The following FBXO15 variants were observed in gnomAD, a reference collection of about 807,000 sequenced individuals.
The protein encoded by FBXO15 is F-box only protein 15.
A neutral mutation model predicts 49.5 loss-of-function variants in FBXO15; 30 were observed. The ratio of observed to expected loss-of-function variants is 0.61; its 90% CI spans 0.45 to 0.82. The LOEUF is 0.82. FBXO15 is among the 40% of genes least tolerant of loss of function. The pLI, the probability that FBXO15 is intolerant of heterozygous loss-of-function variation, is 0.00. For synonymous variants in FBXO15, 250 were observed against 232.7 expected (o/e 1.07, Z -0.68); for missense variants, 591 against 631.5 (o/e 0.94, Z 0.69).
chr18:74,126,536 A>G (rs4491628), intron 5 of FBXO15, among the ~76,000 whole-genome samples: 40,547 of 152,214 alleles, frequency 0.27, 8,014 homozygotes, highest in African/African-American at 0.55. Flanking sequence ...GTCTCAGGAG[A>G]TGGCTGGAAA....
In FBXO15 at chr18:74,124,548, A is replaced by G; in HGVS notation, c.936T>C (p.Val312=). 1 of 1,614,108 alleles carries G rather than the reference A, an allele frequency of 6.2e-7. No individual in the cohort carries two copies. The highest frequency in any genetic ancestry group is 8.5e-7 in the Non-Finnish European group (1 of 1,180,022). ...VWKKEEELAF[V]MANLHFHHLV... ...GGTGATGAAAATGAAGATTTGCCAT[A>G]ACAAAAGCCAGTTCTTCCTCCTTCT... The change falls in exon 7 of 10, where the codon GTT becomes GTC. Residue 312 remains valine (V), a synonymous_variant. Transcript: ENST00000419743.
chr18:74,125,885 GATTTTAC>G, intron 6 of FBXO15, 83 bp downstream of exon 6: 3 of 1,519,510 alleles, frequency 2.0e-6, no homozygotes, highest in Non-Finnish European at 1.8e-6. Flanking sequence ...AAGCTTAAAG[GATTTTAC>G]ATTTGAAGTC....
At chr18:74,119,830 C>T (rs1357343739) in intron 8 of FBXO15, among the ~76,000 whole-genome samples, 2 of 152,094 alleles carry the variant, frequency 1.3e-5, no homozygotes, top group African/African-American at 4.8e-5. Context: ...ACACACAGGG[C>T]TCTGTAACGG....
At chr18:74,123,181 G>C (rs777059831) in intron 8 of FBXO15, 187 bp downstream of exon 8, 3 of 573,682 alleles carry the variant, frequency 5.2e-6, no homozygotes, top group African/African-American at 1.9e-5. Flanking sequence ...GACAGAGCCA[G>C]TTCTGAAGAG....
chr18:74,125,084 T>C (rs929164632), intron 6 of FBXO15, among the ~76,000 whole-genome samples: 11 of 152,142 alleles, frequency 7.2e-5, no homozygotes, highest in African/African-American at 2.7e-4. Flanking sequence ...CTGACCTCCA[T>C]TTCTCCCCAG....
At chr18:74,108,809 A>AAAATTT (rs1383249200) in intron 8 of FBXO15, among the ~76,000 whole-genome samples, 1 of 152,208 alleles carries the variant, frequency 6.6e-6, no homozygotes, top group African/African-American at 2.4e-5. Flanking sequence ...AAGAAACCAG[A>AAAATTT]GGAAAAGAAC....
chr18:74,147,507 G>A (rs959623508), intron 1 of FBXO15, 163 bp downstream of exon 1: 1 of 1,252,028 alleles, frequency 8.0e-7, no homozygotes, highest in Non-Finnish European at 1.0e-6. Flanking sequence ...ACGTTGCAGG[G>A]TAGAAAGGAT....
At chr18:74,134,666 C>T (rs972071083) in intron 3 of FBXO15, among the ~76,000 whole-genome samples, 2 of 152,166 alleles carry the variant, frequency 1.3e-5, no homozygotes, top group Non-Finnish European at 2.9e-5. Flanking sequence ...CTGCGCCTGG[C>T]TGGAGAATTT....
intron 8 of FBXO15, among the ~76,000 whole-genome samples, chr18:74,101,591 C>A (rs1216516865): frequency 6.6e-6 from 1 of 152,026 alleles, no homozygotes; most frequent in African/African-American, 2.4e-5. Context: ...CACCATAATT[C>A]TTCACAAAAC....
intron 8 of FBXO15, among the ~76,000 whole-genome samples, chr18:74,087,470 T>C (rs1189769180): frequency 6.6e-6 from 1 of 152,220 alleles, no homozygotes; most frequent in South Asian, 2.1e-4. Context: ...AGCTTTCACT[T>C]ATAAGTAAGA....
intron 8 of FBXO15, among the ~76,000 whole-genome samples, chr18:74,085,749 C>T (rs1262110669): frequency 6.6e-6 from 1 of 152,184 alleles, no homozygotes; most frequent in Admixed American, 6.5e-5. Flanking sequence ...AACAACTGGA[C>T]ATCCACACTG....
At chr18:74,080,077 T>A (rs1357617530) in intron 9 of FBXO15, among the ~76,000 whole-genome samples, 1 of 152,212 alleles carries the variant, frequency 6.6e-6, no homozygotes, top group African/African-American at 2.4e-5. Context: ...TACATTTTTT[T>A]AAAAGTCATA....
rs1215524673 is a variant in FBXO15, at chr18:74,147,704, C to G, written c.82G>C (p.Ala28Pro). Residue 28 changes from alanine to proline, a missense_variant, in exon 1 of 10, where the codon GCG (alanine) becomes CCG (proline). Physicochemically the swap from Ala to Pro is conservative, Grantham distance 27. Coordinates refer to ENST00000419743, the MANE Select transcript of FBXO15 (RefSeq NM_001142958.2). ...AAGGCCCTGGCGCGCCCCCGGGCCGCGCCACCGCCCCTGCTGGGCCCGCGC... is the reference window on the plus strand; with the variant it reads ...AAGGCCCTGGCGCGCCCCCGGGCCGGGCCACCGCCCCTGCTGGGCCCGCGC... The part of the protein sequence containing the change: ...TLRGPSRGGG[A>P]ARGRARAFGC... The G allele has an allele frequency of 2.6e-6, 4 of 1,521,886 alleles. No individual in the cohort carries two copies. Among genetic ancestry groups the G allele is most frequent in the Non-Finnish European group, 3.5e-6 (4 of 1,137,652 alleles). 94.3% of individuals were successfully genotyped at this position (1,521,886 alleles called of 1,614,324 possible). A position where few individuals can be genotyped will look rare whatever the true frequency, so the allele number is the denominator to read the frequency against.
intron 8 of FBXO15, among the ~76,000 whole-genome samples, chr18:74,093,271 G>GT (rs936014055): frequency 7.3e-5 from 11 of 150,560 alleles, no homozygotes; most frequent in South Asian, 2.2e-4. Context: ...AATGGGGGGG[G>GT]GGTGGCTGCA....
chr18:74,093,677 T>C (rs1191076261), intron 8 of FBXO15, among the ~76,000 whole-genome samples: 2 of 152,262 alleles, frequency 1.3e-5, no homozygotes, highest in Non-Finnish European at 2.9e-5. Flanking sequence ...TGTAGTTCTC[T>C]TGCTATTTCC....
chr18:74,126,359 T>C (rs1190347249), intron 5 of FBXO15, among the ~76,000 whole-genome samples: 10 of 152,194 alleles, frequency 6.6e-5, no homozygotes, highest in African/African-American at 1.9e-4. Flanking sequence ...CGGGAGGAAG[T>C]TGAAGGACCA....
chr18:74,142,434 G>A (rs1979138156), intron 1 of FBXO15, among the ~76,000 whole-genome samples: 1 of 152,074 alleles, frequency 6.6e-6, no homozygotes. Flanking sequence ...TCACAAACTG[G>A]GTGACTCAGA....
At chr18:74,079,442 G>A (rs1912394777) in intron 9 of FBXO15, among the ~76,000 whole-genome samples, 1 of 152,130 alleles carries the variant, frequency 6.6e-6, no homozygotes, top group African/African-American at 2.4e-5. Flanking sequence ...AAGTTCTGGA[G>A]ATTAGACAGT....
At chr18:74,078,417 A>C (rs1912347465) in intron 9 of FBXO15, 1 of 145,460 alleles carries the variant, frequency 6.9e-6, no homozygotes, top group Non-Finnish European at 1.5e-5. Context: ...CCCAGGCAGG[A>C]CAGCCAGCTA....
Sources: allele counts gnomAD v4.1 joint callset (sites outside exome capture counted in the v4.1 genomes callset), GRCh38; gene constraint gnomAD v4.1.1; transcripts MANE v1.5; gene names NCBI Gene and HGNC (gene_info 2026-07-23, HGNC 2026-07-21).